MYRFL: variants seen among roughly 807,000 people sequenced by gnomAD.
MYRFL encodes the protein myelin regulatory factor-like protein.
Under a neutral mutation model 109.4 loss-of-function variants are expected in MYRFL, and 88 were observed. The observed-to-expected ratio is 0.80, with a 90% CI of 0.68 to 0.96. MYRFL has a LOEUF of 0.96. Ranked by LOEUF, MYRFL falls within the 40% of genes least tolerant of loss-of-function variation. The pLI is 0.00. For synonymous variants in MYRFL, 324 were observed against 320.9 expected (o/e 1.01, Z -0.10); for missense variants, 957 against 954.9 (o/e 1.00, Z -0.03).
chr12:69,957,130 A>G (rs1337545236), intron 22 of MYRFL, among the ~76,000 whole-genome samples: 1 of 152,230 alleles, frequency 6.6e-6, no homozygotes, highest in Non-Finnish European at 1.5e-5. Flanking sequence ...CTTGATGATG[A>G]TTAATGGGGC....
At position 69,889,940 on chromosome 12, in the gene MYRFL, G is replaced by T. The variant is rs1430859963; in HGVS notation, c.708-1031G>T. On this transcript the variant is annotated intron_variant, in intron 6 of 24. Transcript: ENST00000552032. ...GCTCAATTTATATACACAAAGCATT[G>T]CTATTAGAAATAGCAATGATAAAAC... Among the ~76,000 whole-genome samples, 7 of 151,904 alleles carry T rather than the reference G, an allele frequency of 4.6e-5. No homozygotes were observed. In the East Asian group the frequency reaches 1.4e-3, roughly 29 times the overall value.
At chr12:69,858,192 T>C (rs889446056) in intron 2 of MYRFL, among the ~76,000 whole-genome samples, 3 of 151,916 alleles carry the variant, frequency 2.0e-5, no homozygotes, top group African/African-American at 4.8e-5. Flanking sequence ...CTTGTATTCC[T>C]GGAATAAATC....
At position 69,895,429 on chromosome 12, in the gene MYRFL, G is replaced by T; in HGVS notation, c.1039G>T (p.Glu347Ter). 1 of 1,535,484 alleles carries T rather than the reference G, an allele frequency of 6.5e-7. No individual in the cohort carries two copies. The highest frequency in any genetic ancestry group is 8.7e-7 in the Non-Finnish European group (1 of 1,146,642). Reference protein sequence around the residue: ...KVTLGRLHFSETTANNMRKKG... With the variant: ...KVTLGRLHFS ...AACACTGGGACGATTACACTTCAGCGAAACCACAGCAAATAATATGAGAAA... is the reference window on the plus strand; with the variant it reads ...AACACTGGGACGATTACACTTCAGCTAAACCACAGCAAATAATATGAGAAA... Residue 347 changes from glutamate to a stop codon, truncating the protein, a stop_gained, in exon 9 of 25, where the codon GAA (glutamate) becomes TAA (stop). Transcript: ENST00000552032. LOFTEE classifies it high-confidence loss of function.
At chr12:69,833,811 G>A (rs901757069) in intron 1 of MYRFL, among the ~76,000 whole-genome samples, 2 of 143,370 alleles carry the variant, frequency 1.4e-5, no homozygotes, top group African/African-American at 2.5e-5. Flanking sequence ...CTCCTGTGAA[G>A]CAGAAGATAG....
At chr12:69,926,782 G>A (rs753144793) in intron 14 of MYRFL, 48 bp downstream of exon 14, 18 of 1,337,308 alleles carry the variant, frequency 1.3e-5, no homozygotes, top group Non-Finnish European at 1.6e-5. Flanking sequence ...AGGAGAGAGT[G>A]AGCTCTTTCC....
At chr12:69,907,591 C>A (rs970218875) in intron 11 of MYRFL, among the ~76,000 whole-genome samples, 1 of 152,210 alleles carries the variant, frequency 6.6e-6, no homozygotes, top group Non-Finnish European at 1.5e-5. Flanking sequence ...CCAGTCCAGG[C>A]TGGCTCCTGA....
At position 69,898,653 on chromosome 12, in the gene MYRFL, A is replaced by G. The variant is rs1163938732; in HGVS notation, c.1182+1407A>G. Among the ~76,000 whole-genome samples the G allele has an allele frequency of 2.0e-5, 3 of 152,378 alleles. No homozygotes were observed. The East Asian group carries it at 5.8e-4, about 29-fold the overall frequency. On this transcript the variant is annotated intron_variant, in intron 10 of 24. Transcript: ENST00000552032. The stretch of plus-strand genomic sequence containing the variant: ...TTCTCTTAGGAAGGAATAGAGACAG[A>G]TAATGCCATTCTTTTCAGAGTTAGC...
chr12:69,883,487 T>C (rs1259067242), intron 5 of MYRFL, among the ~76,000 whole-genome samples: 1 of 151,960 alleles, frequency 6.6e-6, no homozygotes, highest in African/African-American at 2.4e-5. Context: ...TACAATGGAG[T>C]ACAATATGGC....
intron 19 of MYRFL, among the ~76,000 whole-genome samples, chr12:69,943,563 C>A (rs1466910727): frequency 1.7e-3 from 239 of 142,236 alleles, no homozygotes; most frequent in African/African-American, 5.4e-3. Context: ...CATGTTAGAC[C>A]TAAAACCATA....
intron 5 of MYRFL, among the ~76,000 whole-genome samples, chr12:69,884,891 G>T (rs1011300422): frequency 1.3e-5 from 2 of 152,164 alleles, no homozygotes; most frequent in Non-Finnish European, 2.9e-5. Flanking sequence ...TTTTGCAGAT[G>T]AAAAAACTGA....
chr12:69,841,107 G>A (rs1324253980), intron 1 of MYRFL, among the ~76,000 whole-genome samples: 1 of 152,132 alleles, frequency 6.6e-6, no homozygotes, highest in African/African-American at 2.4e-5. Context: ...AAGGAGACTG[G>A]GAGATTCCCA....
chr12:69,952,109 T>G lies in MYRFL; in HGVS notation c.2225-4T>G, dbSNP rs1344559232. 1 of 1,536,128 alleles carries G rather than the reference T, an allele frequency of 6.5e-7. No homozygotes were observed. The highest frequency in any genetic ancestry group is 1.2e-5 in the South Asian group (1 of 84,060). On this transcript the variant is annotated splice_polypyrimidine_tract_variant and splice_region_variant and intron_variant, in intron 19 of 24. Transcript: ENST00000552032. Reference sequence around the variant, plus strand: ...CAAGATTGACAGACTTGTTTCCTTTTCAGAAGACAAAAGCAAATCAGTTTT... The same window carrying G: ...CAAGATTGACAGACTTGTTTCCTTTGCAGAAGACAAAAGCAAATCAGTTTT...
intron 2 of MYRFL, among the ~76,000 whole-genome samples, chr12:69,859,906 C>G (rs1247138335): frequency 2.0e-5 from 3 of 152,128 alleles, no homozygotes; most frequent in African/African-American, 7.2e-5. Flanking sequence ...CAATATTAAT[C>G]TAGCCACTGC....
At chr12:69,856,162 A>G (rs1884270863) in intron 2 of MYRFL, among the ~76,000 whole-genome samples, 1 of 152,218 alleles carries the variant, frequency 6.6e-6, no homozygotes, top group Non-Finnish European at 1.5e-5. Context: ...AGAATGTGAC[A>G]TAAATGAAAC....
At chr12:69,885,789 T>C (rs934812152) in intron 5 of MYRFL, among the ~76,000 whole-genome samples, 6 of 152,216 alleles carry the variant, frequency 3.9e-5, no homozygotes, top group African/African-American at 7.2e-5. Context: ...TTTTCTACAG[T>C]TGATATTGCA....
intron 2 of MYRFL, among the ~76,000 whole-genome samples, chr12:69,860,801 A>G (rs914955160): frequency 1.3e-5 from 2 of 150,998 alleles, no homozygotes; most frequent in Middle Eastern, 3.2e-3. Context: ...CAGGTTAGTT[A>G]CATATGTATA....
At chr12:69,903,993 A>G in intron 11 of MYRFL, 149 bp downstream of exon 11, 1 of 665,254 alleles carries the variant, frequency 1.5e-6, no homozygotes, top group East Asian at 2.9e-5. Context: ...ATGATGACTG[A>G]GCTGCTGGGC....
chr12:69,944,461 A>G (rs1955766057), intron 19 of MYRFL, among the ~76,000 whole-genome samples: 1 of 146,056 alleles, frequency 6.8e-6, no homozygotes, highest in African/African-American at 2.6e-5. Flanking sequence ...ACATATTCTC[A>G]CTCATAGGTG....
chr12:69,958,269 C>T lies in MYRFL; in HGVS notation c.2592C>T (p.Ser864=), dbSNP rs1311087235. 2.0e-6 allele frequency: 3 copies of T among 1,536,420 alleles called. No individual in the cohort carries two copies. Among genetic ancestry groups the T allele is most frequent in the Admixed American group, 2.0e-5 (1 of 50,988 alleles). ...EMTQGYQHIW[S]LPVAPFSDSM... ...TTTAGGGATATCAGCACATTTGGAG[C>T]CTCCCTGTAGCCCCATTTTCTGACA... Residue 864 remains serine, a synonymous_variant, in exon 24 of 25, where the codon AGC becomes AGT. Coordinates refer to ENST00000552032, the MANE Select transcript of MYRFL (RefSeq NM_182530.3).
Sources: allele counts gnomAD v4.1 joint callset (sites outside exome capture counted in the v4.1 genomes callset), GRCh38; gene constraint gnomAD v4.1.1; transcripts MANE v1.5; gene names NCBI Gene and HGNC (gene_info 2026-07-23, HGNC 2026-07-21).